PRICKLE1: variants seen among roughly 807,000 people sequenced by gnomAD.
The protein encoded by PRICKLE1 is prickle-like protein 1.
A neutral mutation model predicts 70.2 loss-of-function variants in PRICKLE1; 14 were observed. That is an observed-to-expected ratio of 0.20 (90% CI 0.13 to 0.31). The LOEUF (loss-of-function observed/expected upper bound fraction) is 0.31. PRICKLE1 is among the 10% of genes least tolerant of loss of function. The pLI is 1.00. For synonymous variants in PRICKLE1, 357 were observed against 379.9 expected (o/e 0.94, Z 0.70); for missense variants, 821 against 1,026.2 (o/e 0.80, Z 2.73).
At chr12:42,489,489 G>A (rs534162145) in intron 1 of PRICKLE1, among the ~76,000 whole-genome samples, 13 of 149,938 alleles carry the variant, frequency 8.7e-5, no homozygotes, top group South Asian at 4.2e-4. Context: ...GTGAAACCCC[G>A]TCTCTACTAA....
intron 1 of PRICKLE1, among the ~76,000 whole-genome samples, chr12:42,519,663 G>A (rs1566111229): frequency 6.6e-6 from 1 of 152,186 alleles, no homozygotes. Context: ...TTCACAGGTG[G>A]ATGAATGCTT....
chr12:42,506,095 C>T (rs17091317), intron 1 of PRICKLE1, among the ~76,000 whole-genome samples: 15,157 of 151,640 alleles, frequency 0.1, 781 homozygotes, highest in Middle Eastern at 0.13. Context: ...TTCAAGGTTG[C>T]GTATCAAGCA....
chr12:42,506,545 C>A (rs142906604), intron 1 of PRICKLE1, among the ~76,000 whole-genome samples: 1 of 148,226 alleles, frequency 6.7e-6, no homozygotes, highest in African/African-American at 2.5e-5. Flanking sequence ...ACGTGAGCCA[C>A]CGCGCCCAGC....
chr12:42,549,199 C>A (rs1226936550), intron 1 of PRICKLE1, among the ~76,000 whole-genome samples: 1 of 149,556 alleles, frequency 6.7e-6, no homozygotes, highest in African/African-American at 2.5e-5. Context: ...CCATTAGGGG[C>A]AATATTAATG....
intron 1 of PRICKLE1, among the ~76,000 whole-genome samples, chr12:42,510,196 G>A (rs192907445): frequency 1.3e-5 from 2 of 152,014 alleles, no homozygotes; most frequent in Non-Finnish European, 1.5e-5. Context: ...CTGGGTTCAC[G>A]CCATTCTCCT....
rs142613488 is a variant in PRICKLE1 at position 42,459,880 on chromosome 12, G to C, written c.2425C>G (p.Gln809Glu). Residue 809 changes from glutamine to glutamate, a missense_variant, in exon 8 of 8, where the codon CAG becomes GAG. Coordinates refer to ENST00000345127, the MANE Select transcript of PRICKLE1 (RefSeq NM_153026.3). ...SSPPSALPTP[Q>E]FGQRTTKSKK... ...GATTTTGTTGTCCTCTGACCAAACT[G>C]AGGGGTGGGAAGTGCAGATGGTGGA... The C allele has an allele frequency of 3.7e-6, 6 of 1,613,998 alleles. No individual in the cohort carries two copies. In the African/African-American group the frequency reaches 8.0e-5, roughly 22 times the overall value.
At position 42,470,285 on chromosome 12, in the gene PRICKLE1, A is replaced by T. The variant is rs1347718206; in HGVS notation, c.207T>A (p.Ile69=). The stretch of plus-strand genomic sequence containing the variant: ...GTGGTAACTGGTACAAAAGCTGTTT[A>T]ATCCGATGCTTCTCTCCGGGGCTGT... The part of the protein sequence containing the change: ...YVNSPGEKHR[I]KQLLYQLPPH... Residue 69 remains isoleucine (I), a synonymous_variant, in exon 3 of 8, where the codon ATT becomes ATA. Coordinates refer to ENST00000345127, the MANE Select transcript of PRICKLE1 (RefSeq NM_153026.3). The T allele has an allele frequency of 6.2e-7, 1 of 1,613,956 alleles. No individual in the cohort carries two copies. The highest frequency in any genetic ancestry group is 8.5e-7 in the Non-Finnish European group (1 of 1,179,942).
rs751252071 is a variant in PRICKLE1 at position 42,494,890 on chromosome 12, CTTT to C, written c.-48-22329_-48-22327del. Among the ~76,000 whole-genome samples, 12 of 131,058 alleles carry C rather than the reference CTTT, an allele frequency of 9.2e-5. No homozygotes were observed. The East Asian group carries it at 2.3e-3, about 25-fold the overall frequency. The allele number at this position is 131,058 out of a possible 152,430, so 86.0% of individuals were successfully genotyped here. A position where few individuals can be genotyped will look rare whatever the true frequency, so the allele number is the denominator to read the frequency against. On this transcript the variant is annotated intron_variant, in intron 1 of 7. Transcript: ENST00000345127. Reference sequence around the variant, plus strand: ...CAATTCAGTCACATCTTCAGGTTTACTTTTTTTTTTTTTTTTTAATTTTTAAGA... The same window carrying C: ...CAATTCAGTCACATCTTCAGGTTTACTTTTTTTTTTTTTTAATTTTTAAGA...
chr12:42,470,778 C>T lies in PRICKLE1; in HGVS notation c.133-419G>A, dbSNP rs536586996. Among the ~76,000 whole-genome samples the T allele has an allele frequency of 8.6e-4, 131 of 152,076 alleles. 1 individual carries two copies. The highest frequency in any genetic ancestry group is 2.9e-3 in the African/African-American group (121 of 41,478). ...AAAATTAGCTGGGCGTGGTGATGCA[C>T]GCCTGTAATCCTAGCTACTCGGGAG... On this transcript the variant is annotated intron_variant, in intron 2 of 7. Transcript: ENST00000345127.
In PRICKLE1 at chr12:42,469,464, C is replaced by G; in HGVS notation, c.370G>C (p.Ala124Pro). ...IKLLSRAVMH[A>P]VCEQCGLKIN... Reference sequence around the variant, plus strand: ...GGGCTGCTCACCTGCTCACACACAGCATGCATGACTGCTCTGGACAGAAGC... The same window carrying G: ...GGGCTGCTCACCTGCTCACACACAGGATGCATGACTGCTCTGGACAGAAGC... Residue 124 changes from alanine to proline, a missense_variant, in exon 4 of 8, where the codon GCT (alanine) becomes CCT (proline). Coordinates refer to ENST00000345127, the MANE Select transcript of PRICKLE1 (RefSeq NM_153026.3). 1 of 1,614,186 alleles carries G rather than the reference C, an allele frequency of 6.2e-7. No individual in the cohort carries two copies. Among genetic ancestry groups the G allele is most frequent in the Non-Finnish European group, 8.5e-7 (1 of 1,180,040 alleles).
At chr12:42,507,706 A>G (rs1939443717) in intron 1 of PRICKLE1, among the ~76,000 whole-genome samples, 1 of 152,242 alleles carries the variant, frequency 6.6e-6, no homozygotes, top group African/African-American at 2.4e-5. Flanking sequence ...CAGGCGGCAG[A>G]GCCTAAATGA....
chr12:42,521,526 CCT>C (rs1939708052), intron 1 of PRICKLE1, among the ~76,000 whole-genome samples: 1 of 152,092 alleles, frequency 6.6e-6, no homozygotes, highest in Admixed American at 6.5e-5. Context: ...CTGGTGAAAC[CCT>C]GTCTCTACAA....
At chr12:42,516,825 T>G (rs923708712) in intron 1 of PRICKLE1, among the ~76,000 whole-genome samples, 3 of 152,112 alleles carry the variant, frequency 2.0e-5, no homozygotes, top group Non-Finnish European at 4.4e-5. Flanking sequence ...ACACCCCCTC[T>G]CCCCACCCCT....
Position 42,468,894 on chromosome 12 carries a change from T to C in PRICKLE1, c.385-65A>G, listed in dbSNP as rs1347261534. The C allele has an allele frequency of 3.4e-6, 5 of 1,477,368 alleles. No homozygotes were observed. The African/African-American group carries it at 5.6e-5, about 16-fold the overall frequency. The allele number at this position is 1,477,368 out of a possible 1,614,324, so 91.5% of individuals were successfully genotyped here. A position where few individuals can be genotyped will look rare whatever the true frequency, so the allele number is the denominator to read the frequency against. ...TAAAGACAGGATTCTCAGGCTTTCCTACTTTAGGATAAATCTCGAATTTGT... is the reference window on the plus strand; with the variant it reads ...TAAAGACAGGATTCTCAGGCTTTCCCACTTTAGGATAAATCTCGAATTTGT... On this transcript the variant is annotated intron_variant, in intron 4 of 7. Coordinates refer to ENST00000345127, the MANE Select transcript of PRICKLE1 (RefSeq NM_153026.3).
rs1374430352 is a variant in PRICKLE1, at chr12:42,458,244, A to G, written c.*1565T>C. On this transcript the variant is annotated 3_prime_UTR_variant, in exon 8 of 8. Transcript: ENST00000345127. ...GTGGGGCGTGTGGACACACGAGACA[A>G]ATGGAGGTCTGTTAATGGTAGGGCA... 6.6e-6 allele frequency: 1 copy of G among 152,250 alleles called. No homozygotes were observed. Among genetic ancestry groups the G allele is most frequent in the Non-Finnish European group, 1.5e-5 (1 of 68,042 alleles). The allele number at this position is 152,250 out of a possible 1,614,324, so 9.4% of individuals were successfully genotyped here.
At chr12:42,508,408 T>G (rs1482978969) in intron 1 of PRICKLE1, among the ~76,000 whole-genome samples, 6 of 152,114 alleles carry the variant, frequency 3.9e-5, no homozygotes, top group Non-Finnish European at 8.8e-5. Flanking sequence ...AGCTACTGTT[T>G]AAGAAAAAAA....
chr12:42,481,576 A>AAAC (rs1938795779), intron 1 of PRICKLE1, among the ~76,000 whole-genome samples: 1 of 152,180 alleles, frequency 6.6e-6, no homozygotes, highest in African/African-American at 2.4e-5. Flanking sequence ...CTTCTTTGTT[A>AAAC]AACTGCTTGT....
chr12:42,574,763 G>A lies in PRICKLE1; in HGVS notation c.-49+14702C>T, dbSNP rs56149170. ...CTTTTAAAAGTACAGTATTTATACC[G>A]TTGTGGAGGTTTTCTTCAACTGAAT... On this transcript the variant is annotated intron_variant, in intron 1 of 7. Transcript: ENST00000345127. 5.9e-3 allele frequency among the ~76,000 whole-genome samples: 894 copies of A among 152,232 alleles called. 5 individuals are homozygous for A. The highest frequency in any genetic ancestry group is 0.017 in the Middle Eastern group (5 of 294).
At chr12:42,521,154 T>C (rs2708080) in intron 1 of PRICKLE1, among the ~76,000 whole-genome samples, 19,278 of 151,882 alleles carry the variant, frequency 0.13, 2,262 homozygotes, top group African/African-American at 0.31. Context: ...CCAGCCTGGG[T>C]GATAGCACAA....
Sources: allele counts gnomAD v4.1 joint callset (sites outside exome capture counted in the v4.1 genomes callset), GRCh38; gene constraint gnomAD v4.1.1; transcripts MANE v1.5; gene names NCBI Gene and HGNC (gene_info 2026-07-23, HGNC 2026-07-21).